STARD13: variants seen among roughly 807,000 people sequenced by gnomAD.
STARD13 encodes stAR-related lipid transfer protein 13.
STARD13 carries 62 observed loss-of-function variants against 106.4 expected under a neutral mutation model. That is an observed-to-expected ratio of 0.58 (90% CI 0.48 to 0.72). STARD13 has a LOEUF of 0.72. STARD13 is among the 30% of genes least tolerant of loss of function. The probability of loss-of-function intolerance (pLI) is 0.00; values close to 1 mark genes in which losing one functional copy is unlikely to be tolerated. For missense variants in STARD13, 1,387 were observed against 1,424.0 expected, an observed-to-expected ratio of 0.97 and a Z score of 0.42; for synonymous variants, 565 against 553.0, an observed-to-expected ratio of 1.02 and a Z score of -0.31.
intron 1 of STARD13, among the ~76,000 whole-genome samples, chr13:33,210,834 A>T (rs1887675543): frequency 6.6e-6 from 1 of 152,234 alleles, no homozygotes; most frequent in South Asian, 2.1e-4. Flanking sequence ...CTGGTAGACC[A>T]ACAGTTTAGC....
intron 1 of STARD13, among the ~76,000 whole-genome samples, chr13:33,327,254 C>T (rs755072485): frequency 7.2e-5 from 11 of 152,126 alleles, no homozygotes; most frequent in African/African-American, 2.4e-4. Flanking sequence ...TCTTGAGAGA[C>T]GATATTCATT....
rs903719743 is a variant in STARD13 at position 33,293,524 on chromosome 13, T to C, written c.124+56766A>G. 2.6e-5 allele frequency among the ~76,000 whole-genome samples: 4 copies of C among 152,286 alleles called. No individual in the cohort carries two copies. The South Asian group carries it at 8.3e-4, about 32-fold the overall frequency. On this transcript the variant is annotated intron_variant, in intron 1 of 5. Transcript: ENST00000567873. Reference sequence around the variant, plus strand: ...GCAGATAATTCTAGGTTTTATTCTCTGGGAAGAGCCTTAAATACTGTGATG... The same window carrying C: ...GCAGATAATTCTAGGTTTTATTCTCCGGGAAGAGCCTTAAATACTGTGATG...
At chr13:33,508,158 C>T in the STARD13 span, among the ~76,000 whole-genome samples, 1 of 152,322 alleles carries the variant, frequency 6.6e-6, no homozygotes, top group South Asian at 2.1e-4. Flanking sequence ...CTCTGCCATT[C>T]TCACTGCAAG....
the STARD13 span, among the ~76,000 whole-genome samples, chr13:33,675,900 T>G: frequency 6.6e-6 from 1 of 152,278 alleles, no homozygotes; most frequent in Non-Finnish European, 1.5e-5. Context: ...GCATCGAGTA[T>G]TCTACCTCTG....
At chr13:33,483,340 C>A in the STARD13 span, among the ~76,000 whole-genome samples, 3 of 152,116 alleles carry the variant, frequency 2.0e-5, no homozygotes, top group South Asian at 6.2e-4. Context: ...AATAAATGAG[C>A]AATTACTAAA....
the STARD13 span, among the ~76,000 whole-genome samples, chr13:33,497,097 G>A: frequency 6.6e-6 from 1 of 152,052 alleles, no homozygotes; most frequent in Non-Finnish European, 1.5e-5. Flanking sequence ...TAAAAGACAG[G>A]CTTAGCTTAA....
chr13:33,358,228 T>TCGGG, the STARD13 span, among the ~76,000 whole-genome samples: 1 of 152,200 alleles, frequency 6.6e-6, no homozygotes, highest in Non-Finnish European at 1.5e-5. Context: ...GGGGCAGGGC[T>TCGGG]CGGGACATGC....
chr13:33,600,343 A>T, the STARD13 span, among the ~76,000 whole-genome samples: 20 of 152,370 alleles, frequency 1.3e-4, no homozygotes, highest in East Asian at 3.1e-3. Flanking sequence ...GTATTAAGAC[A>T]ATCAAAAAAT....
chr13:33,214,806 C>A (rs2138150918), intron 1 of STARD13, among the ~76,000 whole-genome samples: 1 of 151,890 alleles, frequency 6.6e-6, no homozygotes, highest in Non-Finnish European at 1.5e-5. Context: ...CTAAAACAAC[C>A]AGAATGTGCT....
the STARD13 span, among the ~76,000 whole-genome samples, chr13:33,506,289 T>C: frequency 6.6e-6 from 1 of 152,276 alleles, no homozygotes; most frequent in South Asian, 2.1e-4. Flanking sequence ...ATCAGGTACT[T>C]TTTTTGTGAA....
the STARD13 span, among the ~76,000 whole-genome samples, chr13:33,650,436 C>T: frequency 6.6e-6 from 1 of 151,438 alleles, no homozygotes; most frequent in Non-Finnish European, 1.5e-5. Flanking sequence ...GTGATCCGCC[C>T]GCCTCGGCCT....
intron 1 of STARD13, among the ~76,000 whole-genome samples, chr13:33,241,825 G>T (rs1594153693): frequency 6.6e-6 from 1 of 152,186 alleles, no homozygotes; most frequent in African/African-American, 2.4e-5. Flanking sequence ...GGCAGACGGA[G>T]TCGCGCTCAC....
chr13:33,544,958 T>C, the STARD13 span, among the ~76,000 whole-genome samples: 1 of 151,350 alleles, frequency 6.6e-6, no homozygotes, highest in East Asian at 2.0e-4. Context: ...GTTTTATTTA[T>C]TTATTTATTT....
At position 33,166,449 on chromosome 13, in the gene STARD13, C is replaced by T. The variant is rs186891453; in HGVS notation, c.242-1031G>A. Among the ~76,000 whole-genome samples the T allele has an allele frequency of 1.6e-4, 25 of 152,242 alleles. No individual in the cohort carries two copies. In the East Asian group the frequency reaches 4.1e-3, roughly 25 times the overall value. On this transcript the variant is annotated intron_variant, in intron 2 of 13. Coordinates refer to ENST00000336934, the MANE Select transcript of STARD13 (RefSeq NM_178006.4). ...CCCTTTGGGCTCATGGTAGTGACAG[C>T]TGTGCCACTACAAGCCCTGGGCTCT...
chr13:33,468,967 C>A, the STARD13 span, among the ~76,000 whole-genome samples: 6 of 152,048 alleles, frequency 3.9e-5, no homozygotes, highest in Admixed American at 3.9e-4. Context: ...AGGAACTTAC[C>A]TTCCTGAATA....
the STARD13 span, among the ~76,000 whole-genome samples, chr13:33,418,730 C>T: frequency 2.6e-5 from 4 of 152,102 alleles, no homozygotes; most frequent in Non-Finnish European, 4.4e-5. Flanking sequence ...CCCTCTGGGA[C>T]GAAGCTTCCA....
the STARD13 span, among the ~76,000 whole-genome samples, chr13:33,646,934 T>G: frequency 6.6e-6 from 1 of 152,118 alleles, no homozygotes; most frequent in Admixed American, 6.6e-5. Context: ...AAATTAATGA[T>G]AAAAAGAAAT....
In STARD13 at chr13:33,129,786, G is replaced by A. The variant is rs1003400943; in HGVS notation, c.891C>T (p.Ser297=). The change falls in exon 5 of 14, where the codon TCC becomes TCT. Residue 297 remains serine (S), a synonymous_variant. Transcript: ENST00000336934. ...SGPMLQQEPE[S]FKAMQCIQIP... is the part of the protein sequence containing the mutation. ...TTTGGATGCACTGCATAGCCTTAAA[G>A]GACTCTGGCTCCTGCTGCAACATGG... 1.9e-6 allele frequency: 3 copies of A among 1,613,828 alleles called. No homozygotes were observed. Among genetic ancestry groups the A allele is most frequent in the African/African-American group, 2.7e-5 (2 of 74,942 alleles).
At chr13:33,384,355 A>G in the STARD13 span, among the ~76,000 whole-genome samples, 1 of 152,232 alleles carries the variant, frequency 6.6e-6, no homozygotes, top group Admixed American at 6.5e-5. Context: ...CCAAGCTAAG[A>G]GTCCGGGAAG....
Sources: gnomAD v4.1 joint callset for allele counts (sites outside exome capture counted in the v4.1 genomes callset) on GRCh38, gnomAD v4.1.1 for gene constraint, MANE v1.5 for transcripts, NCBI Gene and HGNC (gene_info 2026-07-23, HGNC 2026-07-21) for gene names.